Variants in WDTC1 observed in about 807,000 individuals in gnomAD.
The protein encoded by WDTC1 is WD and tetratricopeptide repeats protein 1.
In WDTC1, 12 loss-of-function variants were observed where a neutral mutation model predicts 76.0. The observed-to-expected ratio is 0.16, with a 90% CI of 0.10 to 0.26. The LOEUF is 0.26. Among genes scored for constraint, WDTC1 ranks in the 10% least tolerant of loss-of-function variants. WDTC1 has a pLI of 1.00. For missense variants in WDTC1, 511 were observed against 908.8 expected (o/e 0.56, Z 5.63); for synonymous variants, 326 against 350.8 (o/e 0.93, Z 0.79).
At chr1:27,293,300 C>T (rs1346383120) in intron 7 of WDTC1, among the ~76,000 whole-genome samples, 4 of 151,090 alleles carry the variant, frequency 2.6e-5, no homozygotes, top group East Asian at 2.0e-4. Context: ...GGCGTGGTGG[C>T]GGGTGCCTGT....
Position 27,303,954 on chromosome 1 carries a change from T to A in WDTC1, c.1643+159T>A. 1 of 995,580 alleles carries A rather than the reference T, an allele frequency of 1.0e-6. No individual in the cohort carries two copies. Among genetic ancestry groups the A allele is most frequent in the Non-Finnish European group, 1.5e-6 (1 of 686,546 alleles). The allele number at this position is 995,580 out of a possible 1,614,324, so 61.7% of individuals were successfully genotyped here. A position where few individuals can be genotyped will look rare whatever the true frequency, so the allele number is the denominator to read the frequency against. On this transcript the variant is annotated intron_variant, in intron 14 of 15. Transcript: ENST00000319394. The surrounding 1 kb of genome is among the most constrained non-coding windows in gnomAD (Gnocchi z 4.8). ...ACCTTTGTCAGCCTCTAAAGTTTTT[T>A]AATCTATGAAATGACCAACCTGCCA...
rs374616266 is a variant in WDTC1, at chr1:27,292,251, G to A, written c.516G>A (p.Glu172=). 35 of 1,608,120 alleles carry A rather than the reference G, an allele frequency of 2.2e-5. No homozygotes were observed. The African/African-American group carries it at 4.2e-4, about 19-fold the overall frequency. ...YDLRENSKHS[E]VLIDLTEYCG... is the part of the protein sequence containing the mutation. ...TTCGAGAGAACAGCAAACACTCGGA[G>A]GTGCTGATTGACCTGACAGAGTACT... Residue 172 remains glutamate (E), a synonymous_variant, in exon 7 of 16, where the codon GAG becomes GAA. Coordinates refer to ENST00000319394, the MANE Select transcript of WDTC1 (RefSeq NM_001276252.2).
In WDTC1 at chr1:27,294,602, G is replaced by A. The variant is rs780670822; in HGVS notation, c.846G>A (p.Glu282=). The change falls in exon 9 of 16, where the codon GAG becomes GAA. Residue 282 remains glutamate, a synonymous_variant. Coordinates refer to ENST00000319394, the MANE Select transcript of WDTC1 (RefSeq NM_001276252.2). ...TGACCTTCAGCCCCAATGGCACAGAGCTACTAGTCAACATGGGGGGGGAAC... is the reference window on the plus strand; with the variant it reads ...TGACCTTCAGCCCCAATGGCACAGAACTACTAGTCAACATGGGGGGGGAAC... The part of the protein sequence containing the change: ...TYVTFSPNGT[E]LLVNMGGEQV... 2 of 1,614,072 alleles carry A rather than the reference G, an allele frequency of 1.2e-6. No homozygotes were observed. The highest frequency in any genetic ancestry group is 1.7e-6 in the Non-Finnish European group (2 of 1,179,972).
Position 27,274,290 on chromosome 1 carries a change from T to TA in WDTC1, c.133-7943dup. On this transcript the variant is annotated intron_variant, in intron 3 of 15. Coordinates refer to ENST00000319394, the MANE Select transcript of WDTC1 (RefSeq NM_001276252.2). This position sits in a 1 kb window ranked among gnomAD's most constrained non-coding sequence, Gnocchi z 4.2. The stretch of plus-strand genomic sequence containing the variant: ...GGGCAATGGAAGGAGACACTGTCTT[T>TA]AAAAAAGAGAGAGAGAGAGAGGGAA... Among the ~76,000 whole-genome samples, 1 of 151,310 alleles carries TA rather than the reference T, an allele frequency of 6.6e-6. No homozygotes were observed.
intron 1 of WDTC1, among the ~76,000 whole-genome samples, chr1:27,244,222 A>T (rs1466378377): frequency 1.3e-5 from 2 of 152,166 alleles, no homozygotes; most frequent in Non-Finnish European, 2.9e-5. Context: ...AAAAAAATTT[A>T]AAAGAAATGT....
In WDTC1 at chr1:27,263,160, T is replaced by C; in HGVS notation, c.57T>C (p.Gly19=). The C allele has an allele frequency of 6.2e-7, 1 of 1,613,498 alleles. No homozygotes were observed. The highest frequency in any genetic ancestry group is 8.5e-7 in the Non-Finnish European group (1 of 1,179,788). Reference sequence around the variant, plus strand: ...TTGTTTCTGTCCCCTAGGAGCGGGGTGCCCTGAGCTTTGAGCGGCGCTACC... The same window carrying C: ...TTGTTTCTGTCCCCTAGGAGCGGGGCGCCCTGAGCTTTGAGCGGCGCTACC... ...DLIRRQIKER[G]ALSFERRYHV... is the part of the protein sequence containing the mutation. Residue 19 remains glycine, a synonymous_variant, in exon 3 of 16, where the codon GGT becomes GGC. Coordinates refer to ENST00000319394, the MANE Select transcript of WDTC1 (RefSeq NM_001276252.2).
At chr1:27,304,260 C>T (rs765558921) in intron 14 of WDTC1, 13 of 165,826 alleles carry the variant, frequency 7.8e-5, no homozygotes, top group Non-Finnish European at 1.5e-4. Context: ...CATCCCCACC[C>T]CTCATTTGTA....
chr1:27,302,595 G>C (rs553469456), intron 13 of WDTC1, among the ~76,000 whole-genome samples: 3 of 152,022 alleles, frequency 2.0e-5, no homozygotes, highest in Non-Finnish European at 4.4e-5. Flanking sequence ...AAAAAAATTA[G>C]CCAGGGGTGG....
intron 7 of WDTC1, among the ~76,000 whole-genome samples, chr1:27,292,757 CTTTTTTTT>C (rs1304057627): frequency 1.1e-4 from 13 of 113,462 alleles, no homozygotes; most frequent in Non-Finnish European, 1.6e-4. Flanking sequence ...TATTGTTTTA[CTTTTTTTT>C]TTTTTTTTTT....
intron 14 of WDTC1, chr1:27,304,767 C>T (rs2013912331): frequency 4.3e-6 from 2 of 464,790 alleles, no homozygotes; most frequent in East Asian, 7.1e-5. Flanking sequence ...TAATAATGAA[C>T]TATAGGGGAG....
At chr1:27,300,987 G>A (rs1228372016) in intron 12 of WDTC1, among the ~76,000 whole-genome samples, 1 of 152,198 alleles carries the variant, frequency 6.6e-6, no homozygotes. Context: ...AGGGCAGCCT[G>A]ACACCAGCTT....
At chr1:27,298,186 T>A in intron 12 of WDTC1, 75 bp downstream of exon 12, 2 of 1,474,476 alleles carry the variant, frequency 1.4e-6, no homozygotes, top group South Asian at 2.8e-5. Flanking sequence ...AGGGGCCTGA[T>A]GGAGCCAAGT....
In WDTC1 at chr1:27,292,413, C is replaced by G. The variant is rs1327926985; in HGVS notation, c.662+16C>G. On this transcript the variant is annotated intron_variant, in intron 7 of 15. Coordinates refer to ENST00000319394, the MANE Select transcript of WDTC1 (RefSeq NM_001276252.2). Reference sequence around the variant, plus strand: ...ATAACCACAGGTATGAATAGTTCAGCCTCCTGTCTCCTGTGAGTAAGTCCC... The same window carrying G: ...ATAACCACAGGTATGAATAGTTCAGGCTCCTGTCTCCTGTGAGTAAGTCCC... 4.0e-5 allele frequency: 61 copies of G among 1,522,868 alleles called. No homozygotes were observed. Among genetic ancestry groups the G allele is most frequent in the Non-Finnish European group, 5.1e-5 (58 of 1,128,482 alleles). The allele number at this position is 1,522,868 out of a possible 1,614,324, so 94.3% of individuals were successfully genotyped here.
At chr1:27,281,901 A>G (rs1206639694) in intron 3 of WDTC1, among the ~76,000 whole-genome samples, 3 of 152,126 alleles carry the variant, frequency 2.0e-5, no homozygotes, top group Admixed American at 1.3e-4. Context: ...CCTGGCTGAC[A>G]TACTCCTTCT....
At position 27,307,316 on chromosome 1, in the gene WDTC1, T is replaced by G. The variant is rs551055018; in HGVS notation, c.*933T>G. 6.5e-6 allele frequency: 1 copy of G among 153,068 alleles called. No individual in the cohort carries two copies. Among genetic ancestry groups the G allele is most frequent in the African/African-American group, 2.4e-5 (1 of 41,520 alleles). 9.5% of individuals were successfully genotyped at this position (153,068 alleles called of 1,614,324 possible). On this transcript the variant is annotated 3_prime_UTR_variant, in exon 16 of 16. Coordinates refer to ENST00000319394, the MANE Select transcript of WDTC1 (RefSeq NM_001276252.2). This position sits in a 1 kb window ranked among gnomAD's most constrained non-coding sequence, Gnocchi z 4.1. The stretch of plus-strand genomic sequence containing the variant: ...GAAGTGATGGCTTTTCTCTGTCCCC[T>G]GCTGCTCTGAGGGGAGAGGGGTGGG...
At chr1:27,238,632 C>A (rs535117244) in intron 1 of WDTC1, among the ~76,000 whole-genome samples, 2 of 151,980 alleles carry the variant, frequency 1.3e-5, no homozygotes, top group East Asian at 3.9e-4. Flanking sequence ...GTGGCATGAT[C>A]TCGGCTCACT....
At chr1:27,253,657 T>C (rs2012176300) in intron 1 of WDTC1, among the ~76,000 whole-genome samples, 1 of 151,994 alleles carries the variant, frequency 6.6e-6, no homozygotes. Flanking sequence ...ATCTGCTATA[T>C]TTTCAAAGTT....
chr1:27,296,594 A>C (rs1347154416), intron 10 of WDTC1, among the ~76,000 whole-genome samples, 193 bp downstream of exon 10: 2 of 152,196 alleles, frequency 1.3e-5, no homozygotes, highest in Admixed American at 1.3e-4. Context: ...GCTTTGCATC[A>C]CTGCCCTTTT....
chr1:27,241,112 C>A (rs1386817406), intron 1 of WDTC1, among the ~76,000 whole-genome samples: 1 of 152,112 alleles, frequency 6.6e-6, no homozygotes, highest in East Asian at 1.9e-4. Context: ...TTGAGGGTCA[C>A]CGTTGGCATT....
Sources: gnomAD v4.1 joint callset for allele counts (sites outside exome capture counted in the v4.1 genomes callset) on GRCh38, gnomAD v4.1.1 for gene constraint, Gnocchi (gnomAD v3.1) non-coding constraint, MANE v1.5 for transcripts, NCBI Gene and HGNC (gene_info 2026-07-23, HGNC 2026-07-21) for gene names.